Variants in MXRA7 observed in about 807,000 individuals in gnomAD.
MXRA7 encodes matrix remodeling associated 7.
A neutral mutation model predicts 17.4 loss-of-function variants in MXRA7; 18 were observed. That is an observed-to-expected ratio of 1.03 (90% CI 0.71 to 1.53). The LOEUF is 1.53. MXRA7 is among the 40% of genes most tolerant of loss of function. The probability of loss-of-function intolerance (pLI) is 0.00; values close to 1 mark genes in which losing one functional copy is unlikely to be tolerated. For synonymous variants in MXRA7, 70 were observed against 101.7 expected, an observed-to-expected ratio of 0.69 and a Z score of 1.87; for missense variants, 141 against 209.3, an observed-to-expected ratio of 0.67 and a Z score of 2.01.
At chr17:76,692,349 G>A (rs1418556868) in intron 1 of MXRA7, among the ~76,000 whole-genome samples, 2 of 151,838 alleles carry the variant, frequency 1.3e-5, no homozygotes, top group Non-Finnish European at 2.9e-5. Flanking sequence ...CACCTCCCAG[G>A]TTCAAGCGAC....
chr17:76,710,620 C>T lies in MXRA7; in HGVS notation c.327G>A (p.Ala109=). Residue 109 remains alanine, a synonymous_variant, in exon 1 of 4, where the codon GCG becomes GCA. Transcript: ENST00000449428. The part of the protein sequence containing the change: ...AAAPAEAEEQ[A]VEARQEEEQD... ...CGGTGCGTACCTGCCTCGCCTCCAC[C>T]GCCTGCTCCTCCGCCTCCGCTGGCG... 3.6e-6 allele frequency: 5 copies of T among 1,382,908 alleles called. No homozygotes were observed. Among genetic ancestry groups the T allele is most frequent in the African/African-American group, 1.5e-5 (1 of 66,484 alleles). 85.7% of individuals were successfully genotyped at this position (1,382,908 alleles called of 1,614,324 possible).
chr17:76,697,849 C>A (rs1246059093), intron 1 of MXRA7, among the ~76,000 whole-genome samples: 1 of 150,716 alleles, frequency 6.6e-6, no homozygotes, highest in Non-Finnish European at 1.5e-5. Context: ...CTGGCTGATT[C>A]AAGCTAATTC....
chr17:76,703,562 G>A (rs2076619710), intron 1 of MXRA7: 1 of 152,210 alleles, frequency 6.6e-6, no homozygotes. Context: ...AGAGGTTGCA[G>A]TGAACTGAGA....
At chr17:76,674,802 A>G (rs1465704477), downstream of MXRA7, 2 of 152,196 alleles carry the variant, frequency 1.3e-5, no homozygotes, top group Non-Finnish European at 2.9e-5. Context: ...ATTCTGGCCA[A>G]TTGGGATCTG....
chr17:76,681,465 C>G lies in MXRA7; in HGVS notation c.501-586G>C, dbSNP rs2076302355. On this transcript the variant is annotated intron_variant, in intron 3 of 3. Coordinates refer to ENST00000449428, the MANE Select transcript of MXRA7 (RefSeq NM_198530.4). The surrounding 1 kb of genome is among the most constrained non-coding windows in gnomAD (Gnocchi z 4.7). The stretch of plus-strand genomic sequence containing the variant: ...GCATTTCCAGCCTGAGCTGGAAATT[C>G]ACACTGGCAGGTCTATTGTCTGTAG... Among the ~76,000 whole-genome samples the G allele has an allele frequency of 6.6e-6, 1 of 152,120 alleles. No homozygotes were observed. The highest frequency in any genetic ancestry group is 1.5e-5 in the Non-Finnish European group (1 of 68,016).
Position 76,685,713 on chromosome 17 carries a change from A to AC in MXRA7, c.407-549dup, listed in dbSNP as rs774505566. On this transcript the variant is annotated intron_variant, in intron 2 of 3. Transcript: ENST00000449428. ...CCGATTTGCCAGTCCCCGAGGGGAG[A>AC]CCCCCCATTGCTGCCTGCAAAAAAC... Among the ~76,000 whole-genome samples the AC allele has an allele frequency of 7.2e-5, 11 of 152,020 alleles. No individual in the cohort carries two copies. In the East Asian group the frequency reaches 1.2e-3, roughly 16 times the overall value.
At chr17:76,686,459 A>G (rs916154564) in intron 2 of MXRA7, among the ~76,000 whole-genome samples, 1 of 152,160 alleles carries the variant, frequency 6.6e-6, no homozygotes, top group African/African-American at 2.4e-5. Context: ...CAGCCTGGGC[A>G]ATAGAGTAAG....
At chr17:76,706,610 G>A (rs1401891440) in intron 1 of MXRA7, among the ~76,000 whole-genome samples, 1 of 152,242 alleles carries the variant, frequency 6.6e-6, no homozygotes, top group Non-Finnish European at 1.5e-5. Context: ...TGGTGAACAG[G>A]TTGGTGAGGG....
chr17:76,706,686 AAGACAGAC>A (rs78004928), intron 1 of MXRA7, among the ~76,000 whole-genome samples: 46,145 of 151,850 alleles, frequency 0.3, 7,767 homozygotes, highest in Non-Finnish European at 0.38. Flanking sequence ...TCACATGGTT[AAGACAGAC>A]AGATGAAGGC....
intron 3 of MXRA7, among the ~76,000 whole-genome samples, chr17:76,682,101 G>A (rs1390559767): frequency 6.6e-6 from 1 of 152,228 alleles, no homozygotes; most frequent in Admixed American, 6.5e-5. Flanking sequence ...GTAGTTCAAG[G>A]ATGAGACTGA....
chr17:76,680,900 A>G (rs753897657), intron 3 of MXRA7, 21 bp from the exon 4 acceptor site: 2 of 1,579,166 alleles, frequency 1.3e-6, no homozygotes, highest in Non-Finnish European at 8.7e-7. Flanking sequence ...AAATGGGGAG[A>G]AAAAGATAAT....
At chr17:76,700,694 C>T (rs1477690420) in intron 1 of MXRA7, among the ~76,000 whole-genome samples, 2 of 152,222 alleles carry the variant, frequency 1.3e-5, no homozygotes, top group Non-Finnish European at 2.9e-5. Flanking sequence ...GGGCAAGGGC[C>T]CTGCTCTCCG....
chr17:76,677,597 G>A (rs746244534), downstream of MXRA7: 18 of 1,609,892 alleles, frequency 1.1e-5, no homozygotes, highest in Non-Finnish European at 9.3e-6. Context: ...TCTACATGTC[G>A]TAGAGCCGGA....
At chr17:76,689,597 AG>A (rs1365451275) in intron 1 of MXRA7, 2 of 152,306 alleles carry the variant, frequency 1.3e-5, no homozygotes, top group South Asian at 2.1e-4. Flanking sequence ...TTCCGGGGGC[AG>A]GAAGAGGAGC....
At chr17:76,674,854 C>T (rs1334607125), downstream of MXRA7, 1 of 152,210 alleles carries the variant, frequency 6.6e-6, no homozygotes, top group Non-Finnish European at 1.5e-5. Flanking sequence ...TTCCCTTACG[C>T]CTAGAGACGC....
chr17:76,687,205 C>T (rs2076409014), intron 2 of MXRA7, among the ~76,000 whole-genome samples: 1 of 152,176 alleles, frequency 6.6e-6, no homozygotes, highest in Non-Finnish European at 1.5e-5. Flanking sequence ...TGCAGCCCAC[C>T]GCCTGCACCC....
chr17:76,680,305 G>T lies in MXRA7; in HGVS notation c.*562C>A, dbSNP rs1332240024. On this transcript the variant is annotated 3_prime_UTR_variant, in exon 4 of 4. Coordinates refer to ENST00000449428, the MANE Select transcript of MXRA7 (RefSeq NM_198530.4). ...CCTGGTACTGGTTCTTTGCTGCCCTGTAATCAATATGGCATCTCACCCCCG... is the reference window on the plus strand; with the variant it reads ...CCTGGTACTGGTTCTTTGCTGCCCTTTAATCAATATGGCATCTCACCCCCG... 5 of 985,146 alleles carry T rather than the reference G, an allele frequency of 5.1e-6. No individual in the cohort carries two copies. The highest frequency in any genetic ancestry group is 5.2e-4 in the Middle Eastern group (1 of 1,936). The allele number at this position is 985,146 out of a possible 1,614,324, so 61.0% of individuals were successfully genotyped here. A position where few individuals can be genotyped will look rare whatever the true frequency, so the allele number is the denominator to read the frequency against.
rs962384148 is a variant in MXRA7, at chr17:76,681,258, C to A, written c.501-379G>T. Among the ~76,000 whole-genome samples, 2 of 152,166 alleles carry A rather than the reference C, an allele frequency of 1.3e-5. No individual in the cohort carries two copies. Among genetic ancestry groups the A allele is most frequent in the Non-Finnish European group, 1.5e-5 (1 of 68,024 alleles). ...ATCACCCTAGATAATTTCCCATTCC[C>A]GCTGGCTGAGTTTTGTCCCCTCGGG... On this transcript the variant is annotated intron_variant, in intron 3 of 3. Coordinates refer to ENST00000449428, the MANE Select transcript of MXRA7 (RefSeq NM_198530.4). The surrounding 1 kb of genome is among the most constrained non-coding windows in gnomAD (Gnocchi z 4.7).
At chr17:76,686,558 CT>C (rs2076400486) in intron 2 of MXRA7, among the ~76,000 whole-genome samples, 1 of 152,176 alleles carries the variant, frequency 6.6e-6, no homozygotes, top group African/African-American at 2.4e-5. Flanking sequence ...TGGGGCAAGT[CT>C]GATTAGTTTT....
Sources: gnomAD v4.1 joint callset for allele counts (sites outside exome capture counted in the v4.1 genomes callset) on GRCh38, gnomAD v4.1.1 for gene constraint, Gnocchi (gnomAD v3.1) non-coding constraint, MANE v1.5 for transcripts, NCBI Gene and HGNC (gene_info 2026-07-23, HGNC 2026-07-21) for gene names.